CACNA1C: variants seen among roughly 807,000 people sequenced by gnomAD.
The protein encoded by CACNA1C is calcium voltage-gated channel subunit alpha1 C, also known as voltage-dependent L-type calcium channel subunit alpha-1C.
CACNA1C carries 30 observed loss-of-function variants against 229.0 expected under a neutral mutation model. That is an observed-to-expected ratio of 0.13 (90% CI 0.10 to 0.18). CACNA1C has a LOEUF of 0.18. CACNA1C is among the 10% of genes least tolerant of loss of function. The pLI, the probability that CACNA1C is intolerant of heterozygous loss-of-function variation, is 1.00. For missense variants in CACNA1C, 1,658 were observed against 2,845.0 expected (o/e 0.58, Z 9.49); for synonymous variants, 1,114 against 1,132.5 (o/e 0.98, Z 0.33).
chr12:2,655,077 G>C (rs1409629990), intron 33 of CACNA1C, 70 bp from the exon 34 acceptor site: 10 of 940,944 alleles, frequency 1.1e-5, no homozygotes, highest in Non-Finnish European at 1.7e-5. Context: ...AGAGACCATT[G>C]AACAATGGTG....
chr12:2,612,089 A>C lies in CACNA1C; in HGVS notation c.3828+76A>C. ...ACGGGGAGGTGGGGTGCAGGTATTGAAGGCAGAATGAGGGGAAGAGGGAAA... is the reference window on the plus strand; with the variant it reads ...ACGGGGAGGTGGGGTGCAGGTATTGCAGGCAGAATGAGGGGAAGAGGGAAA... On this transcript the variant is annotated intron_variant, in intron 29 of 46. Coordinates refer to ENST00000399655, the MANE Select transcript of CACNA1C (RefSeq NM_000719.7). 5.7e-6 allele frequency: 5 copies of C among 882,502 alleles called. 1 individual carries two copies. The South Asian group carries it at 6.8e-5, about 12-fold the overall frequency. 54.7% of individuals were successfully genotyped at this position (882,502 alleles called of 1,614,324 possible).
At chr12:2,396,956 C>T (rs1335825527) in intron 3 of CACNA1C, among the ~76,000 whole-genome samples, 1 of 152,260 alleles carries the variant, frequency 6.6e-6, no homozygotes, top group Non-Finnish European at 1.5e-5. Flanking sequence ...CTGGGCCACA[C>T]ATCTGTCTCT....
chr12:2,661,180 T>G (rs971564198), intron 34 of CACNA1C, among the ~76,000 whole-genome samples: 1 of 151,966 alleles, frequency 6.6e-6, no homozygotes. Context: ...GAGGATCACT[T>G]GGGCCCAGGA....
intron 1 of CACNA1C, among the ~76,000 whole-genome samples, chr12:1,988,121 T>C (rs1393363380): frequency 6.6e-6 from 1 of 152,196 alleles, no homozygotes; most frequent in Non-Finnish European, 1.5e-5. Context: ...TCAGTCACAA[T>C]AGGCCAAGTT....
At chr12:2,473,557 C>T (rs569227817) in intron 5 of CACNA1C, among the ~76,000 whole-genome samples, 4 of 152,156 alleles carry the variant, frequency 2.6e-5, no homozygotes, top group African/African-American at 9.7e-5. Flanking sequence ...AGGAAAGGTA[C>T]TAGAATCTTG....
intron 1 of CACNA1C, among the ~76,000 whole-genome samples, chr12:2,030,981 G>A (rs2048121115): frequency 6.6e-6 from 1 of 152,076 alleles, no homozygotes; most frequent in Non-Finnish European, 1.5e-5. Flanking sequence ...CCTATGTTAG[G>A]CAAGAACTCA....
In CACNA1C at chr12:2,632,391, G is replaced by C. The variant is rs1020956239; in HGVS notation, c.3829-1906G>C. Among the ~76,000 whole-genome samples the C allele has an allele frequency of 6.6e-6, 1 of 152,102 alleles. No homozygotes were observed. Among genetic ancestry groups the C allele is most frequent in the African/African-American group, 2.4e-5 (1 of 41,488 alleles). On this transcript the variant is annotated intron_variant, in intron 29 of 46. Coordinates refer to ENST00000399655, the MANE Select transcript of CACNA1C (RefSeq NM_000719.7). This position sits in a 1 kb window ranked among gnomAD's most constrained non-coding sequence, Gnocchi z 4.1. Reference sequence around the variant, plus strand: ...ACCCATTCAGTCACAGAACATCGCTGTGCAGGCCCCTACACCTCCTACACC... The same window carrying C: ...ACCCATTCAGTCACAGAACATCGCTCTGCAGGCCCCTACACCTCCTACACC...
intron 3 of CACNA1C, among the ~76,000 whole-genome samples, chr12:2,239,547 C>A (rs150597463): frequency 6.6e-6 from 1 of 152,146 alleles, no homozygotes; most frequent in Admixed American, 6.5e-5. Context: ...GGAAGCCCGG[C>A]GCTTCCCGGG....
In CACNA1C at chr12:2,654,584, C is replaced by T. The variant is rs1484344837; in HGVS notation, c.4141-563C>T. 2.0e-5 allele frequency among the ~76,000 whole-genome samples: 3 copies of T among 152,194 alleles called. No homozygotes were observed. Among genetic ancestry groups the T allele is most frequent in the Non-Finnish European group, 4.4e-5 (3 of 68,044 alleles). On this transcript the variant is annotated intron_variant, in intron 33 of 46. Transcript: ENST00000399655. This position sits in a 1 kb window ranked among gnomAD's most constrained non-coding sequence, Gnocchi z 4.4. ...TTCAGGAAGTCCCCTACTTGCTCAT[C>T]GCAGAAAGACCCAAGATTCAGTTGC...
chr12:2,437,320 A>C lies in CACNA1C; in HGVS notation c.478-11656A>C, dbSNP rs564730557. ...AAAATCAGGCATTCAGTGTAGCCCC[A>C]ACAAAGCCCCAACACACTTCCCATT... On this transcript the variant is annotated intron_variant, in intron 3 of 46. Transcript: ENST00000399655. 2.5e-3 allele frequency among the ~76,000 whole-genome samples: 374 copies of C among 152,284 alleles called. 1 individual carries two copies. In the Middle Eastern group the frequency reaches 0.031, roughly 12 times the overall value.
chr12:2,378,711 G>A (rs1314444556), intron 3 of CACNA1C, among the ~76,000 whole-genome samples: 1 of 152,108 alleles, frequency 6.6e-6, no homozygotes, highest in Non-Finnish European at 1.5e-5. Context: ...CCACTTCACA[G>A]GCTACTAAAT....
At chr12:2,382,258 T>C (rs1302533701) in intron 3 of CACNA1C, among the ~76,000 whole-genome samples, 1 of 152,240 alleles carries the variant, frequency 6.6e-6, no homozygotes, top group African/African-American at 2.4e-5. Context: ...GTTAAGATGG[T>C]TGCAAATATC....
intron 1 of CACNA1C, among the ~76,000 whole-genome samples, chr12:2,026,998 A>G (rs1331692504): frequency 6.6e-6 from 1 of 152,226 alleles, no homozygotes; most frequent in East Asian, 1.9e-4. Flanking sequence ...TAGTGGAGAA[A>G]TAGCTTTCTA....
chr12:2,063,173 G>A (rs1303649243), intron 1 of CACNA1C, among the ~76,000 whole-genome samples: 2 of 148,572 alleles, frequency 1.3e-5, no homozygotes, highest in East Asian at 3.9e-4. Context: ...TTTTTCCTGA[G>A]GTGTAGTCTC....
At chr12:2,246,965 C>T (rs1384030379) in intron 3 of CACNA1C, among the ~76,000 whole-genome samples, 2 of 152,214 alleles carry the variant, frequency 1.3e-5, no homozygotes, top group Non-Finnish European at 2.9e-5. Context: ...CATGCACACA[C>T]ATGCCTACAC....
chr12:2,618,645 T>C (rs1398730936), intron 29 of CACNA1C, among the ~76,000 whole-genome samples: 1 of 152,226 alleles, frequency 6.6e-6, no homozygotes, highest in Non-Finnish European at 1.5e-5. Flanking sequence ...CCATCAGGCC[T>C]GAGCTGAGCC....
intron 3 of CACNA1C, among the ~76,000 whole-genome samples, chr12:2,434,667 C>A (rs988952853): frequency 6.6e-6 from 1 of 152,192 alleles, no homozygotes; most frequent in South Asian, 2.1e-4. Flanking sequence ...ATGTCCAAGT[C>A]CCCTGGGGTC....
chr12:2,209,956 C>T (rs2097866689), intron 3 of CACNA1C, among the ~76,000 whole-genome samples: 1 of 152,060 alleles, frequency 6.6e-6, no homozygotes, highest in South Asian at 2.1e-4. Flanking sequence ...TGCAGCAAGT[C>T]AAGCTATATA....
intron 3 of CACNA1C, among the ~76,000 whole-genome samples, chr12:2,415,299 T>C (rs1337274458): frequency 6.6e-6 from 1 of 152,186 alleles, no homozygotes; most frequent in Non-Finnish European, 1.5e-5. Flanking sequence ...ACCATTCGCC[T>C]GTTGTCCTAT....
Sources: allele counts gnomAD v4.1 joint callset (sites outside exome capture counted in the v4.1 genomes callset), GRCh38; gene constraint gnomAD v4.1.1; non-coding constraint Gnocchi (gnomAD v3.1); transcripts MANE v1.5; gene names NCBI Gene and HGNC (gene_info 2026-07-23, HGNC 2026-07-21).